The following RTRAF variants were observed in gnomAD, a reference collection of about 807,000 sequenced individuals.
RTRAF encodes the protein tRNA-splicing ligase complex subunit RTRAF.
A neutral mutation model predicts 34.4 loss-of-function variants in RTRAF; 14 were observed. The observed-to-expected ratio is 0.41, with a 90% CI of 0.27 to 0.64. The LOEUF (loss-of-function observed/expected upper bound fraction) is 0.64, where lower values mean the gene tolerates loss of function less well. RTRAF is among the 30% of genes least tolerant of loss of function. The probability of loss-of-function intolerance (pLI) is 0.34; values close to 1 mark genes in which losing one functional copy is unlikely to be tolerated. For synonymous variants in RTRAF, 96 were observed against 95.3 expected (o/e 1.01, Z -0.04); for missense variants, 291 against 288.4 (o/e 1.01, Z -0.06).
chr14:51,991,456 A>C lies in RTRAF; in HGVS notation c.186+15A>C. On this transcript the variant is annotated intron_variant, in intron 2 of 7. Coordinates refer to ENST00000261700, the MANE Select transcript of RTRAF (RefSeq NM_016039.3). ...TCTTTGAAAAGGTAATGAATTAGGA[A>C]GTAAAGTAAAAATACAGAGAGTTTG... is the stretch of plus-strand genomic sequence containing the variant. The C allele has an allele frequency of 6.2e-7, 1 of 1,601,942 alleles. No homozygotes were observed. Among genetic ancestry groups the C allele is most frequent in the South Asian group, 1.1e-5 (1 of 88,478 alleles).
rs938146907 is a variant in RTRAF, at chr14:52,006,115, T to G, written c.*1599T>G. On this transcript the variant is annotated 3_prime_UTR_variant, in exon 8 of 8. Coordinates refer to ENST00000261700, the MANE Select transcript of RTRAF (RefSeq NM_016039.3). ...GGGCTTAGACTTTAATGTTCCACAG[T>G]TCCTCATTTGAGAACTAGTCTAAAT... is the stretch of plus-strand genomic sequence containing the variant. 8 of 468,774 alleles carry G rather than the reference T, an allele frequency of 1.7e-5. No homozygotes were observed. Among genetic ancestry groups the G allele is most frequent in the Admixed American group, 3.3e-5 (1 of 30,102 alleles). The allele number at this position is 468,774 out of a possible 1,614,324, so 29.0% of individuals were successfully genotyped here. A position where few individuals can be genotyped will look rare whatever the true frequency, so the allele number is the denominator to read the frequency against.
chr14:52,006,670 C>G lies in RTRAF; in HGVS notation c.*2154C>G, dbSNP rs781419315. On this transcript the variant is annotated 3_prime_UTR_variant, in exon 8 of 8. Transcript: ENST00000261700. ...TCCAGTTTTTTGGTTCCTTTTAAAA[C>G]AAAGGGGGAAAATGAGGTCCTTCAG... is the stretch of plus-strand genomic sequence containing the variant. The G allele has an allele frequency of 6.2e-7, 1 of 1,612,874 alleles. No homozygotes were observed.
chr14:51,994,255 A>G (rs1300683241), intron 3 of RTRAF, among the ~76,000 whole-genome samples: 1 of 152,228 alleles, frequency 6.6e-6, no homozygotes, highest in Non-Finnish European at 1.5e-5. Context: ...AGATACTTCT[A>G]TGGTTGGAAG....
Position 52,008,025 on chromosome 14 carries a change from A to G in RTRAF, c.*3509A>G, listed in dbSNP as rs971058053. 4 of 1,425,810 alleles carry G rather than the reference A, an allele frequency of 2.8e-6. No homozygotes were observed. In the South Asian group the frequency reaches 5.2e-5, roughly 19 times the overall value. The allele number at this position is 1,425,810 out of a possible 1,614,324, so 88.3% of individuals were successfully genotyped here. ...AGCCATGTAGCCTGTGGTAGGCAGC[A>G]TCTAAGCAGCCCCCAGTGATCTCCA... On this transcript the variant is annotated 3_prime_UTR_variant, in exon 8 of 8. Transcript: ENST00000261700.
intron 6 of RTRAF, 130 bp from the exon 7 acceptor site, chr14:52,004,064 C>T: frequency 1.3e-6 from 1 of 774,006 alleles, no homozygotes; most frequent in Non-Finnish European, 2.2e-6. Flanking sequence ...AAACAAAATT[C>T]CTAGTTCCCT....
chr14:52,006,760 T>C lies in RTRAF; in HGVS notation c.*2244T>C. 1 of 1,301,090 alleles carries C rather than the reference T, an allele frequency of 7.7e-7. No homozygotes were observed. Among genetic ancestry groups the C allele is most frequent in the Non-Finnish European group, 1.1e-6 (1 of 923,784 alleles). 80.6% of individuals were successfully genotyped at this position (1,301,090 alleles called of 1,614,324 possible). Reference sequence around the variant, plus strand: ...ACAGTGATAGAATGGGGAAATAGGATATTTTACTTCCATTACAGTCATAGA... The same window carrying C: ...ACAGTGATAGAATGGGGAAATAGGACATTTTACTTCCATTACAGTCATAGA... On this transcript the variant is annotated 3_prime_UTR_variant, in exon 8 of 8. Transcript: ENST00000261700.
Position 52,007,905 on chromosome 14 carries a change from C to T in RTRAF, c.*3389C>T. On this transcript the variant is annotated 3_prime_UTR_variant, in exon 8 of 8. Coordinates refer to ENST00000261700, the MANE Select transcript of RTRAF (RefSeq NM_016039.3). ...ATTGATCAGAATTCTTCTGTTTTCT[C>T]CATCTAAAGATGACGTTTCAATTTT... 1 of 1,613,872 alleles carries T rather than the reference C, an allele frequency of 6.2e-7. No homozygotes were observed. The highest frequency in any genetic ancestry group is 1.3e-5 in the African/African-American group (1 of 75,034).
chr14:51,990,046 C>T (rs1890403346), intron 1 of RTRAF, among the ~76,000 whole-genome samples: 1 of 152,186 alleles, frequency 6.6e-6, no homozygotes, highest in Non-Finnish European at 1.5e-5. Flanking sequence ...CCTTGAGCAC[C>T]TGCTAATTAT....
At position 51,993,790 on chromosome 14, in the gene RTRAF, G is replaced by A. The variant is rs1566731671; in HGVS notation, c.254G>A (p.Gly85Asp). The stretch of plus-strand genomic sequence containing the variant: ...CAAGAAGCTATTGACTGGCTTCTTG[G>A]TTTAGCTGTTAGACTTGAATATGGA... ...DRQEAIDWLL[G>D]LAVRLEYGDN... The change falls in exon 3 of 8, where the codon GGT becomes GAT. Residue 85 changes from glycine to aspartate, a missense_variant. Physicochemically the swap from Gly to Asp is moderately conservative, Grantham distance 94. Transcript: ENST00000261700. 1 of 1,601,192 alleles carries A rather than the reference G, an allele frequency of 6.2e-7. No homozygotes were observed. The highest frequency in any genetic ancestry group is 8.5e-7 in the Non-Finnish European group (1 of 1,173,698).
chr14:52,005,886 CATTTACTAGAT>C lies in RTRAF; in HGVS notation c.*1372_*1382del. On this transcript the variant is annotated 3_prime_UTR_variant, in exon 8 of 8. Transcript: ENST00000261700. The stretch of plus-strand genomic sequence containing the variant: ...AAGGAAGAGTGAATTCAGGGACAGT[CATTTACTAGAT>C]AAAGAAGTCAGTCAGCCACAGAAAA... 1 of 1,443,156 alleles carries C rather than the reference CATTTACTAGAT, an allele frequency of 6.9e-7. No homozygotes were observed. Among genetic ancestry groups the C allele is most frequent in the Non-Finnish European group, 9.7e-7 (1 of 1,033,098 alleles). The allele number at this position is 1,443,156 out of a possible 1,614,324, so 89.4% of individuals were successfully genotyped here. A position where few individuals can be genotyped will look rare whatever the true frequency, so the allele number is the denominator to read the frequency against.
Position 52,010,114 on chromosome 14 carries a change from AG to A in RTRAF, c.*5600del, listed in dbSNP as rs1282276514. 6.6e-6 allele frequency: 1 copy of A among 152,268 alleles called. No homozygotes were observed. Among genetic ancestry groups the A allele is most frequent in the Non-Finnish European group, 1.5e-5 (1 of 68,048 alleles). The allele number at this position is 152,268 out of a possible 1,614,324, so 9.4% of individuals were successfully genotyped here. A position where few individuals can be genotyped will look rare whatever the true frequency, so the allele number is the denominator to read the frequency against. ...AGTCAACTGGAATAGAGAAGGATAC[AG>A]GTACTTTTCCTGTGTGTAGAACCCA... On this transcript the variant is annotated 3_prime_UTR_variant, in exon 8 of 8. Transcript: ENST00000261700.
chr14:51,989,781 C>A, intron 1 of RTRAF, 81 bp downstream of exon 1: 1 of 1,398,976 alleles, frequency 7.1e-7, no homozygotes, highest in Non-Finnish European at 9.7e-7. Context: ...CCCACCTCCC[C>A]GTCGGGACCC....
intron 2 of RTRAF, among the ~76,000 whole-genome samples, chr14:51,992,838 C>G (rs748415280): frequency 2.0e-5 from 3 of 152,076 alleles, no homozygotes; most frequent in Non-Finnish European, 2.9e-5. Flanking sequence ...CGAGACCAGC[C>G]GGGCCAACGT....
In RTRAF at chr14:51,991,449, A is replaced by C. The variant is rs1203973680; in HGVS notation, c.186+8A>C. ...CCCAAGTTCTTTGAAAAGGTAATGAATTAGGAAGTAAAGTAAAAATACAGA... is the reference window on the plus strand; with the variant it reads ...CCCAAGTTCTTTGAAAAGGTAATGACTTAGGAAGTAAAGTAAAAATACAGA... On this transcript the variant is annotated splice_region_variant and intron_variant, in intron 2 of 7. Transcript: ENST00000261700. The C allele has an allele frequency of 6.2e-7, 1 of 1,605,380 alleles. No individual in the cohort carries two copies. The highest frequency in any genetic ancestry group is 1.1e-5 in the South Asian group (1 of 89,108).
chr14:52,002,076 C>G (rs1244616673), intron 6 of RTRAF, among the ~76,000 whole-genome samples: 1 of 152,162 alleles, frequency 6.6e-6, no homozygotes, highest in Non-Finnish European at 1.5e-5. Flanking sequence ...ATGTTCCTCT[C>G]ACTTTGTACC....
At chr14:51,992,317 C>T (rs1261883282) in intron 2 of RTRAF, among the ~76,000 whole-genome samples, 1 of 152,170 alleles carries the variant, frequency 6.6e-6, no homozygotes, top group East Asian at 1.9e-4. Flanking sequence ...TTTGCGAGAG[C>T]AGTGTGATTA....
rs1028661303 is a variant in RTRAF, at chr14:52,006,208, C to T, written c.*1692C>T. The T allele has an allele frequency of 1.3e-5, 5 of 391,020 alleles. No homozygotes were observed. The highest frequency in any genetic ancestry group is 1.9e-5 in the Non-Finnish European group (4 of 210,246). 24.2% of individuals were successfully genotyped at this position (391,020 alleles called of 1,614,324 possible). On this transcript the variant is annotated 3_prime_UTR_variant, in exon 8 of 8. Coordinates refer to ENST00000261700, the MANE Select transcript of RTRAF (RefSeq NM_016039.3). ...AGCCAACTTAAGCCCTGTAATATAG[C>T]TCATGGTATCAAGGGTAGTCTTATT...
intron 5 of RTRAF, among the ~76,000 whole-genome samples, chr14:52,000,538 A>G (rs1890584916): frequency 6.6e-6 from 1 of 152,182 alleles, no homozygotes; most frequent in Non-Finnish European, 1.5e-5. Flanking sequence ...CATGTAAACT[A>G]CTTTGTGATA....
Position 52,001,794 on chromosome 14 carries a change from T to G in RTRAF, c.463-4T>G, listed in dbSNP as rs367945451. 5.0e-5 allele frequency: 80 copies of G among 1,611,344 alleles called. No individual in the cohort carries two copies. Among genetic ancestry groups the G allele is most frequent in the Non-Finnish European group, 6.6e-5 (78 of 1,179,016 alleles). ...AAAAGTAAAAATATTTTTGGGTTTC[T>G]TAGGCAATTCGGATTTTGGTTCAGG... On this transcript the variant is annotated splice_region_variant and splice_polypyrimidine_tract_variant and intron_variant, in intron 5 of 7. Transcript: ENST00000261700.
Sources: allele counts gnomAD v4.1 joint callset (sites outside exome capture counted in the v4.1 genomes callset), GRCh38; gene constraint gnomAD v4.1.1; transcripts MANE v1.5; gene names NCBI Gene and HGNC (gene_info 2026-07-23, HGNC 2026-07-21).